Variants in CCT5 observed in about 807,000 individuals in gnomAD.
The protein encoded by CCT5 is chaperonin containing TCP1 subunit 5.
Under a neutral mutation model 55.0 loss-of-function variants are expected in CCT5, and 6 were observed. That is an observed-to-expected ratio of 0.11 (90% CI 0.06 to 0.22). The LOEUF (loss-of-function observed/expected upper bound fraction) is 0.22, where lower values mean the gene tolerates loss of function less well. Among genes scored for constraint, CCT5 ranks in the 10% least tolerant of loss-of-function variants. CCT5 has a pLI of 1.00. For synonymous variants in CCT5, 231 were observed against 243.7 expected, an observed-to-expected ratio of 0.95 and a Z score of 0.49; for missense variants, 560 against 694.6, an observed-to-expected ratio of 0.81 and a Z score of 2.18.
chr5:10,254,645 C>T (rs549435061), intron 2 of CCT5, 29 bp from the exon 3 acceptor site: 33 of 1,611,704 alleles, frequency 2.0e-5, no homozygotes, highest in African/African-American at 8.0e-5. Context: ...CAGTTTTTTG[C>T]GCAAAGCCTA....
At chr5:10,254,881 T>C in intron 3 of CCT5, 43 bp downstream of exon 3, 1 of 1,533,926 alleles carries the variant, frequency 6.5e-7, no homozygotes, top group Non-Finnish European at 9.0e-7. Flanking sequence ...AGAGACGTCA[T>C]TTAAGACCAC....
At chr5:10,255,869 C>A in intron 3 of CCT5, 86 bp from the exon 4 acceptor site, 1 of 1,159,528 alleles carries the variant, frequency 8.6e-7, no homozygotes, top group Non-Finnish European at 1.3e-6. Context: ...TGCTTCTTTC[C>A]ATGATAGCAT....
intron 4 of CCT5, 136 bp from the exon 5 acceptor site, chr5:10,257,975 G>A: frequency 2.2e-6 from 2 of 895,568 alleles, no homozygotes; most frequent in Non-Finnish European, 3.6e-6. Context: ...GAAAATGCAG[G>A]TTGAGATGGC....
rs545733096 is a variant in CCT5 at position 10,262,626 on chromosome 5, A to T, written c.1317+8A>T. On this transcript the variant is annotated splice_region_variant and intron_variant, in intron 9 of 10. Coordinates refer to ENST00000280326, the MANE Select transcript of CCT5 (RefSeq NM_012073.5). ...AGCCAAGAGGCGGATAAGGTAAGGG[A>T]TCTGTGCAGACTTAGTGAAAGATTC... The T allele has an allele frequency of 2.5e-6, 4 of 1,613,908 alleles. No homozygotes were observed. The highest frequency in any genetic ancestry group is 3.3e-4 in the Middle Eastern group (2 of 6,082).
chr5:10,264,036 G>T (rs1746108588), intron 10 of CCT5, among the ~76,000 whole-genome samples: 1 of 152,178 alleles, frequency 6.6e-6, no homozygotes, highest in Non-Finnish European at 1.5e-5. Flanking sequence ...ACTTTAGGAG[G>T]CCAAGCCGGG....
intron 4 of CCT5, among the ~76,000 whole-genome samples, chr5:10,256,922 T>C (rs887419953): frequency 1.3e-5 from 2 of 152,184 alleles, no homozygotes; most frequent in Non-Finnish European, 2.9e-5. Context: ...CCAGGTCTTA[T>C]GGGCACTAAG....
At chr5:10,250,220 G>C (rs565682362), upstream of CCT5, 3 of 1,559,862 alleles carry the variant, frequency 1.9e-6, no homozygotes, top group East Asian at 4.8e-5. Flanking sequence ...AGAAACATAA[G>C]TCCCGCGCGT....
intron 8 of CCT5, 111 bp downstream of exon 8, chr5:10,261,856 G>T: frequency 1.2e-6 from 1 of 848,760 alleles, no homozygotes; most frequent in Non-Finnish European, 2.0e-6. Flanking sequence ...AAATAATCGT[G>T]GTTCTCAAAC....
intron 6 of CCT5, among the ~76,000 whole-genome samples, chr5:10,260,314 G>C (rs987321625): frequency 6.6e-6 from 1 of 152,234 alleles, no homozygotes; most frequent in Non-Finnish European, 1.5e-5. Flanking sequence ...GGTTGCCTCT[G>C]TGAGTGCCCG....
At chr5:10,258,639 AC>A in intron 6 of CCT5, 104 bp downstream of exon 6, 7 of 1,155,682 alleles carry the variant, frequency 6.1e-6, no homozygotes, top group Non-Finnish European at 9.0e-6. Context: ...TCTAAAACAT[AC>A]ACAGGAAAAA....
chr5:10,262,372 A>AT, intron 8 of CCT5, 109 bp from the exon 9 acceptor site: 1 of 1,167,910 alleles, frequency 8.6e-7, no homozygotes, highest in Non-Finnish European at 1.3e-6. Flanking sequence ...AGTGGAGGCC[A>AT]TCTAAATATT....
At chr5:10,259,428 G>A (rs2438655) in intron 6 of CCT5, among the ~76,000 whole-genome samples, 112,377 of 152,164 alleles carry the variant, frequency 0.74, 43,703 homozygotes, top group East Asian at 0.87. Flanking sequence ...TTGATGATAC[G>A]GTTCTTGGTG....
chr5:10,260,881 G>A lies in CCT5; in HGVS notation c.963G>A (p.Ala321=), dbSNP rs768453858. 5.3e-5 allele frequency: 86 copies of A among 1,614,122 alleles called. No individual in the cohort carries two copies. The East Asian group carries it at 7.4e-4, about 14-fold the overall frequency. ...NHLLLQNNLP[A]VRWVGGPEIE... ...TACTTCTTCAGAACAACTTGCCTGCGGTTCGCTGGGTAGGAGGACCTGAAA... is the reference window on the plus strand; with the variant it reads ...TACTTCTTCAGAACAACTTGCCTGCAGTTCGCTGGGTAGGAGGACCTGAAA... Residue 321 remains alanine (A), a synonymous_variant, in exon 7 of 11, where the codon GCG becomes GCA. Coordinates refer to ENST00000280326, the MANE Select transcript of CCT5 (RefSeq NM_012073.5).
intron 1 of CCT5, among the ~76,000 whole-genome samples, chr5:10,253,270 A>G (rs1745519130): frequency 1.3e-5 from 2 of 151,342 alleles, no homozygotes; most frequent in African/African-American, 4.9e-5. Context: ...CGGAGGTTGC[A>G]GTGAGCTGAG....
chr5:10,254,446 A>G, intron 2 of CCT5: 1 of 602,936 alleles, frequency 1.7e-6, no homozygotes, highest in Non-Finnish European at 2.9e-6. Flanking sequence ...TTTCCAAATC[A>G]TAGTTGTCTT....
rs773531721 is a variant in CCT5 at position 10,261,688 on chromosome 5, C to G, written c.1122C>G (p.Ile374Met). The G allele has an allele frequency of 6.2e-7, 1 of 1,613,962 alleles. No homozygotes were observed. Among genetic ancestry groups the G allele is most frequent in the Non-Finnish European group, 8.5e-7 (1 of 1,179,930 alleles). Reference sequence around the variant, plus strand: ...CAACTAAGGATAAAATGCTGGTCATCGAGCAGTGTAAGAACTCCAGAGCTG... The same window carrying G: ...CAACTAAGGATAAAATGCTGGTCATGGAGCAGTGTAAGAACTCCAGAGCTG... ...FGTTKDKMLV[I>M]EQCKNSRAVT... Residue 374 changes from isoleucine to methionine, a missense_variant, in exon 8 of 11, where the codon ATC becomes ATG. Transcript: ENST00000280326.
At position 10,250,314 on chromosome 5, in the gene CCT5, G is replaced by T. The variant is rs745962863; in HGVS notation, c.-27G>T. The T allele has an allele frequency of 1.2e-5, 20 of 1,613,820 alleles. 1 individual carries two copies. The highest frequency in any genetic ancestry group is 7.7e-5 in the South Asian group (7 of 91,062). On this transcript the variant is annotated 5_prime_UTR_variant, in exon 1 of 11. Transcript: ENST00000280326. ...CTTCCGTAGCGGTCTCCGCCGGTTG[G>T]GGGGAAGTAATTCCGGTTGTTGCAC...
chr5:10,256,444 C>T (rs545684361), intron 4 of CCT5, among the ~76,000 whole-genome samples: 5 of 152,202 alleles, frequency 3.3e-5, no homozygotes, highest in Non-Finnish European at 7.3e-5. Context: ...AGGCTGGATG[C>T]AGTGGCTCAT....
At chr5:10,250,546 C>A (rs563637431) in intron 1 of CCT5, 101 bp downstream of exon 1, 1 of 1,544,092 alleles carries the variant, frequency 6.5e-7, no homozygotes. Context: ...CATGTGCTCC[C>A]CGGAAAGGTC....
Sources: allele counts gnomAD v4.1 joint callset (sites outside exome capture counted in the v4.1 genomes callset), GRCh38; gene constraint gnomAD v4.1.1; transcripts MANE v1.5; gene names NCBI Gene and HGNC (gene_info 2026-07-23, HGNC 2026-07-21).